The following HS3ST4 variants were observed in gnomAD, a reference collection of about 807,000 sequenced individuals.
The protein encoded by HS3ST4 is heparan sulfate glucosamine 3-O-sulfotransferase 4.
Under a neutral mutation model 29.2 loss-of-function variants are expected in HS3ST4, and 17 were observed. That is an observed-to-expected ratio of 0.58 (90% CI 0.40 to 0.87). The LOEUF (loss-of-function observed/expected upper bound fraction) is 0.87. Ranked by LOEUF, HS3ST4 falls within the 40% of genes least tolerant of loss-of-function variation. The pLI is 0.00. For missense variants in HS3ST4, 627 were observed against 634.5 expected (o/e 0.99, Z 0.13); for synonymous variants, 314 against 285.7 (o/e 1.10, Z -1.00).
chr16:26,049,011 T>C (rs987906959), intron 1 of HS3ST4, among the ~76,000 whole-genome samples: 1 of 152,138 alleles, frequency 6.6e-6, no homozygotes, highest in Non-Finnish European at 1.5e-5. Context: ...GAAATAATGA[T>C]ATCTAGCTAA....
At chr16:25,926,994 G>A (rs1274020214) in intron 1 of HS3ST4, among the ~76,000 whole-genome samples, 1 of 152,142 alleles carries the variant, frequency 6.6e-6, no homozygotes, top group Non-Finnish European at 1.5e-5. Flanking sequence ...CCCGGGAGGT[G>A]GAGGTTGCAG....
chr16:25,997,764 G>A (rs868526028), intron 1 of HS3ST4, among the ~76,000 whole-genome samples: 1 of 152,154 alleles, frequency 6.6e-6, no homozygotes, highest in East Asian at 1.9e-4. Flanking sequence ...CCTGGATCAA[G>A]TGCCCCATGC....
intron 1 of HS3ST4, among the ~76,000 whole-genome samples, chr16:25,783,363 G>T (rs1444442582): frequency 2.0e-5 from 3 of 152,060 alleles, no homozygotes; most frequent in African/African-American, 7.2e-5. Flanking sequence ...AACCACAGGG[G>T]TTTAACTTCC....
At chr16:25,899,504 A>AT (rs34366620) in intron 1 of HS3ST4, among the ~76,000 whole-genome samples, 10 of 150,442 alleles carry the variant, frequency 6.6e-5, no homozygotes, top group East Asian at 2.0e-4. Flanking sequence ...TCCTTTTTAA[A>AT]TTTTTTTTTT....
chr16:26,106,419 A>G (rs1016564941), intron 1 of HS3ST4, among the ~76,000 whole-genome samples: 1 of 152,212 alleles, frequency 6.6e-6, no homozygotes, highest in East Asian at 1.9e-4. Context: ...ATCCTAATAA[A>G]TGAGATATTT....
At chr16:25,883,205 T>G (rs922142321) in intron 1 of HS3ST4, among the ~76,000 whole-genome samples, 3 of 151,208 alleles carry the variant, frequency 2.0e-5, no homozygotes, top group Non-Finnish European at 4.4e-5. Context: ...AATGAGCATA[T>G]TTTTCTACGC....
rs976617496 is a variant in HS3ST4 at position 26,120,797 on chromosome 16, A to G, written c.735-14815A>G. 1.3e-4 allele frequency among the ~76,000 whole-genome samples: 20 copies of G among 152,358 alleles called. No homozygotes were observed. In the South Asian group the frequency reaches 2.3e-3, roughly 17 times the overall value. On this transcript the variant is annotated intron_variant, in intron 1 of 1. Transcript: ENST00000331351. Reference sequence around the variant, plus strand: ...AGGTTTCTTGGATCACAAGGAAGAAACACATACAAATTATTTACAAAGAGG... The same window carrying G: ...AGGTTTCTTGGATCACAAGGAAGAAGCACATACAAATTATTTACAAAGAGG...
intron 1 of HS3ST4, among the ~76,000 whole-genome samples, chr16:26,082,095 G>A (rs773957432): frequency 6.6e-5 from 10 of 152,188 alleles, no homozygotes; most frequent in East Asian, 5.8e-4. Context: ...GGACACGGCC[G>A]GGAGTGCATT....
intron 1 of HS3ST4, among the ~76,000 whole-genome samples, chr16:26,046,780 G>A (rs140195419): frequency 6.6e-6 from 1 of 152,110 alleles, no homozygotes; most frequent in East Asian, 1.9e-4. Context: ...GGGGTGCTAG[G>A]CACTGTTCCA....
intron 1 of HS3ST4, among the ~76,000 whole-genome samples, chr16:25,703,470 G>A (rs1469349191): frequency 1.3e-5 from 2 of 152,252 alleles, no homozygotes; most frequent in Non-Finnish European, 2.9e-5. Flanking sequence ...CTGAGGCACA[G>A]TGCTGGTAAG....
chr16:25,709,515 G>T (rs10521132), intron 1 of HS3ST4, among the ~76,000 whole-genome samples: 1 of 151,970 alleles, frequency 6.6e-6, no homozygotes, highest in Non-Finnish European at 1.5e-5. Flanking sequence ...ATCTTTCCCC[G>T]AAGTACAACC....
intron 1 of HS3ST4, among the ~76,000 whole-genome samples, chr16:25,743,697 G>A (rs1193331861): frequency 2.0e-5 from 3 of 152,132 alleles, no homozygotes; most frequent in African/African-American, 7.2e-5. Flanking sequence ...GTAGAAATGG[G>A]TTTTCACCAT....
At chr16:25,793,366 G>C (rs538631304) in intron 1 of HS3ST4, among the ~76,000 whole-genome samples, 2 of 152,008 alleles carry the variant, frequency 1.3e-5, no homozygotes, top group South Asian at 2.1e-4. Context: ...GTTACTGTGA[G>C]TTACTGGGAG....
chr16:25,985,412 C>CA (rs145021731), intron 1 of HS3ST4, among the ~76,000 whole-genome samples: 3,298 of 152,146 alleles, frequency 0.022, 134 homozygotes, highest in African/African-American at 0.076. Flanking sequence ...TGGTAGGGTA[C>CA]AAAAATATCC....
intron 1 of HS3ST4, among the ~76,000 whole-genome samples, chr16:25,949,965 G>A (rs1968666847): frequency 6.6e-6 from 1 of 152,050 alleles, no homozygotes; most frequent in Non-Finnish European, 1.5e-5. Flanking sequence ...GGGTCATCAG[G>A]GTCTCCTTGA....
chr16:25,774,556 A>G lies in HS3ST4; in HGVS notation c.734+81405A>G, dbSNP rs575084465. On this transcript the variant is annotated intron_variant, in intron 1 of 1. Transcript: ENST00000331351. ...AGCTTTAATTCAGACTCTGTTGCTT[A>G]TGAACTGTGTGACCTTGGACAAGTT... is the stretch of plus-strand genomic sequence containing the variant. 2.6e-5 allele frequency among the ~76,000 whole-genome samples: 4 copies of G among 152,358 alleles called. No homozygotes were observed. The South Asian group carries it at 8.3e-4, about 32-fold the overall frequency.
intron 1 of HS3ST4, among the ~76,000 whole-genome samples, chr16:25,704,549 T>A (rs1966360858): frequency 6.6e-6 from 1 of 152,110 alleles, no homozygotes; most frequent in Non-Finnish European, 1.5e-5. Flanking sequence ...AGCTTTGAAC[T>A]CCTGGGCTCA....
At chr16:25,948,985 T>C (rs1336446654) in intron 1 of HS3ST4, among the ~76,000 whole-genome samples, 4 of 152,174 alleles carry the variant, frequency 2.6e-5, no homozygotes, top group African/African-American at 9.7e-5. Flanking sequence ...GCAGATGATA[T>C]TTATGACTCC....
At chr16:26,075,213 G>C (rs1027815732) in intron 1 of HS3ST4, among the ~76,000 whole-genome samples, 5 of 152,080 alleles carry the variant, frequency 3.3e-5, no homozygotes, top group Admixed American at 6.5e-5. Flanking sequence ...CTCACACCAT[G>C]TGTCATTAAG....
Sources: allele counts gnomAD v4.1 joint callset (sites outside exome capture counted in the v4.1 genomes callset), GRCh38; gene constraint gnomAD v4.1.1; transcripts MANE v1.5; gene names NCBI Gene and HGNC (gene_info 2026-07-23, HGNC 2026-07-21).